The following EPRS1 variants were observed in gnomAD, a reference collection of about 807,000 sequenced individuals.
EPRS1 encodes glutamyl-prolyl-tRNA synthetase 1.
EPRS1 carries 107 observed loss-of-function variants against 188.3 expected under a neutral mutation model. That is an observed-to-expected ratio of 0.57 (90% confidence interval 0.49 to 0.67). The LOEUF is 0.67. EPRS1 is among the 30% of genes least tolerant of loss of function. The pLI, the probability that EPRS1 is intolerant of heterozygous loss-of-function variation, is 0.00. For synonymous variants in EPRS1, 596 were observed against 593.1 expected (o/e 1.00, Z -0.07); for missense variants, 1,577 against 1,802.2 (o/e 0.88, Z 2.26).
chr1:220,021,756 A>T (rs1661881851), intron 9 of EPRS1, among the ~76,000 whole-genome samples: 1 of 152,192 alleles, frequency 6.6e-6, no homozygotes, highest in African/African-American at 2.4e-5. Flanking sequence ...CCAAGTAATC[A>T]TTTACATTTA....
rs879818549 is a variant in EPRS1 at position 220,005,829 on chromosome 1, G to GTTTTT, written c.1950+272_1950+276dup. Among the ~76,000 whole-genome samples the GTTTTT allele has an allele frequency of 9.6e-4, 44 of 45,722 alleles. 2 individuals carry two copies. Among genetic ancestry groups the GTTTTT allele is most frequent in the African/African-American group, 3.4e-3 (38 of 11,134 alleles). The allele number at this position is 45,722 out of a possible 152,430, so 30.0% of individuals were successfully genotyped here. On this transcript the variant is annotated intron_variant, in intron 15 of 31. Coordinates refer to ENST00000366923, the MANE Select transcript of EPRS1 (RefSeq NM_004446.3). The stretch of plus-strand genomic sequence containing the variant: ...CATTACTTACATCGTTTTTTTTTTT[G>GTTTTT]TTTTTTTTTTTGTTTTTTTTTGTAG...
intron 21 of EPRS1, 70 bp from the exon 22 acceptor site, chr1:219,983,468 G>A: frequency 1.8e-6 from 2 of 1,105,014 alleles, no homozygotes; most frequent in Non-Finnish European, 2.6e-6. Context: ...GCAAGAGTAT[G>A]ATAACCAAAA....
chr1:220,005,829 GT>G (rs879818549), intron 15 of EPRS1, among the ~76,000 whole-genome samples: 1 of 45,728 alleles, frequency 2.2e-5, no homozygotes, highest in East Asian at 1.1e-3. Context: ...TTTTTTTTTT[GT>G]TTTTTTTTTT....
Position 219,984,235 on chromosome 1 carries a change from C to T in EPRS1, c.3061G>A (p.Glu1021Lys), listed in dbSNP as rs1048051917. ...QTRLGLEAKK[E>K]ENLADWYSQV... ...GAATACCAATCAGCAAGATTTTCTT[C>T]TTTTTTTGCCTCAAGACCCAACCTG... The change falls in exon 21 of 32, where the codon GAA (glutamate) becomes AAA (lysine). Residue 1021 changes from glutamate to lysine, a missense_variant. Around this residue, in one of 3 missense-constraint regions of EPRS1, gnomAD observed 1,278 missense variants for 1,457.4 expected, o/e 0.88. Coordinates refer to ENST00000366923, the MANE Select transcript of EPRS1 (RefSeq NM_004446.3). The T allele has an allele frequency of 6.2e-7, 1 of 1,613,362 alleles. No homozygotes were observed. The highest frequency in any genetic ancestry group is 1.3e-5 in the African/African-American group (1 of 74,872).
chr1:220,014,586 C>G (rs1303673411), intron 12 of EPRS1, among the ~76,000 whole-genome samples: 2 of 152,206 alleles, frequency 1.3e-5, no homozygotes. Context: ...AGTCTTCCCC[C>G]ATTTGGCTCC....
intron 20 of EPRS1, among the ~76,000 whole-genome samples, chr1:219,985,422 T>C (rs1660988136): frequency 6.6e-6 from 1 of 152,138 alleles, no homozygotes; most frequent in African/African-American, 2.4e-5. Context: ...TGAAACAGTC[T>C]CACCCCATCG....
chr1:219,986,079 T>C (rs1661000566), intron 20 of EPRS1, among the ~76,000 whole-genome samples: 1 of 152,218 alleles, frequency 6.6e-6, no homozygotes, highest in Admixed American at 6.5e-5. Context: ...TTCTCTTGTT[T>C]AAAGAGACAT....
chr1:219,999,232 T>C (rs111897487), intron 17 of EPRS1, among the ~76,000 whole-genome samples: 5,534 of 152,272 alleles, frequency 0.036, 299 homozygotes, highest in African/African-American at 0.12. Context: ...AAAGCATTAT[T>C]ATCCTTCAGG....
intron 16 of EPRS1, among the ~76,000 whole-genome samples, chr1:220,004,010 C>T (rs2647422): frequency 0.81 from 122,843 of 152,142 alleles, 49,732 homozygotes; most frequent in East Asian, 0.93. Flanking sequence ...AAAGTTTAGC[C>T]TTTACTCTGA....
At chr1:220,028,435 T>C (rs1662025547) in intron 6 of EPRS1, among the ~76,000 whole-genome samples, 1 of 146,228 alleles carries the variant, frequency 6.8e-6, no homozygotes, top group Non-Finnish European at 1.5e-5. Flanking sequence ...AGAGTGACTC[T>C]ATATCAGAAT....
chr1:220,022,277 C>T (rs1481977794), intron 9 of EPRS1, 70 bp downstream of exon 9: 2 of 1,366,372 alleles, frequency 1.5e-6, no homozygotes, highest in East Asian at 2.4e-5. Flanking sequence ...TTTGCTTGTA[C>T]TCCATGTTTA....
Position 219,979,724 on chromosome 1 carries a change from CCT to C in EPRS1, c.3712-111_3712-110del. 8 of 700,708 alleles carry C rather than the reference CCT, an allele frequency of 1.1e-5. No homozygotes were observed. In the South Asian group the frequency reaches 1.2e-4, roughly 10 times the overall value. The allele number at this position is 700,708 out of a possible 1,614,324, so 43.4% of individuals were successfully genotyped here. ...AAAATGGCACTACACTTTTTTTCTCCCTTTTTTTACATTAAATAAGGTTTTTA... is the reference window on the plus strand; with the variant it reads ...AAAATGGCACTACACTTTTTTTCTCCTTTTTTACATTAAATAAGGTTTTTA... On this transcript the variant is annotated intron_variant, in intron 26 of 31. Transcript: ENST00000366923.
Position 220,044,681 on chromosome 1 carries a change from C to CAAAAAA in EPRS1, c.46+1656_46+1661dup, listed in dbSNP as rs71560597. Among the ~76,000 whole-genome samples, 462 of 88,298 alleles carry CAAAAAA rather than the reference C, an allele frequency of 5.2e-3. 38 individuals are homozygous for CAAAAAA. Among genetic ancestry groups the CAAAAAA allele is most frequent in the African/African-American group, 0.013 (318 of 24,088 alleles). 57.9% of individuals were successfully genotyped at this position (88,298 alleles called of 152,430 possible). A position where few individuals can be genotyped will look rare whatever the true frequency, so the allele number is the denominator to read the frequency against. On this transcript the variant is annotated intron_variant, in intron 1 of 31. Transcript: ENST00000366923. ...CAGAGGTTGCAATGAGCTCGGTCTC[C>CAAAAAA]AAAAAAAAAAAAAAAAAAAAAAAAA...
intron 21 of EPRS1, among the ~76,000 whole-genome samples, 159 bp downstream of exon 21, chr1:219,984,047 G>T (rs1381046335): frequency 6.6e-6 from 1 of 150,730 alleles, no homozygotes. Flanking sequence ...ATGTTAACAT[G>T]TTGAAAAATA....
At chr1:220,011,126 T>C (rs928635459) in intron 12 of EPRS1, 70 bp from the exon 13 acceptor site, 37 of 864,846 alleles carry the variant, frequency 4.3e-5, no homozygotes, top group African/African-American at 8.4e-5. Context: ...AAATAAATAA[T>C]AGCACAGGAA....
rs778762650 is a variant in EPRS1, at chr1:220,030,477, G to A, written c.532C>T (p.Pro178Ser). 4.3e-6 allele frequency: 7 copies of A among 1,613,252 alleles called. No individual in the cohort carries two copies. The highest frequency in any genetic ancestry group is 5.9e-6 in the Non-Finnish European group (7 of 1,179,392). The change falls in exon 6 of 32, where the codon CCT becomes TCT. Residue 178 changes from proline to serine, a missense_variant. Coordinates refer to ENST00000366923, the MANE Select transcript of EPRS1 (RefSeq NM_004446.3). ...DVSTTKARVA[P>S]EKKQDVGKFV... ...TTCCCAACATCTTGCTTTTTCTCAG[G>A]TGCCTGAAAAACACAACCACCATCA...
intron 2 of EPRS1, among the ~76,000 whole-genome samples, chr1:220,038,100 G>A (rs76553373): frequency 2.1e-5 from 1 of 48,146 alleles, no homozygotes; most frequent in Non-Finnish European, 5.2e-5. Flanking sequence ...TTTTTTTTTT[G>A]AGATGGAGTT....
Position 219,980,084 on chromosome 1 carries a change from C to G in EPRS1, c.3711+1G>C. The stretch of plus-strand genomic sequence containing the variant: ...ACGAATCCTGTGTGGCAGTTTGATA[C>G]CTGGATAGCTCTTCCACTAGCAGAT... On this transcript the variant is annotated splice_donor_variant, in intron 26 of 31. Transcript: ENST00000366923. LOFTEE classifies it high-confidence loss of function. 1.2e-6 allele frequency: 2 copies of G among 1,613,076 alleles called. No homozygotes were observed. The highest frequency in any genetic ancestry group is 8.5e-7 in the Non-Finnish European group (1 of 1,179,444).
At chr1:220,041,285 T>C (rs1662288963) in intron 1 of EPRS1, among the ~76,000 whole-genome samples, 2 of 151,882 alleles carry the variant, frequency 1.3e-5, no homozygotes, top group Non-Finnish European at 2.9e-5. Context: ...TGAGCCCTGA[T>C]TGCACCACTG....
Sources: allele counts gnomAD v4.1 joint callset (sites outside exome capture counted in the v4.1 genomes callset), GRCh38; gene constraint gnomAD v4.1.1; regional missense constraint gnomAD v4.1.1; transcripts MANE v1.5; gene names NCBI Gene and HGNC (gene_info 2026-07-23, HGNC 2026-07-21).